Variants in RAB27B observed in about 807,000 individuals in gnomAD.
The protein encoded by RAB27B is RAB27B, member RAS oncogene family.
Under a neutral mutation model 24.6 loss-of-function variants are expected in RAB27B, and 15 were observed. The observed-to-expected ratio is 0.61, with a 90% CI of 0.41 to 0.94. The LOEUF (loss-of-function observed/expected upper bound fraction) is 0.94, where lower values mean the gene tolerates loss of function less well. Among genes scored for constraint, RAB27B ranks in the 40% least tolerant of loss-of-function variants. RAB27B has a pLI of 0.00. For synonymous variants in RAB27B, 105 were observed against 92.5 expected (o/e 1.14, Z -0.78); for missense variants, 261 against 266.8 (o/e 0.98, Z 0.15).
intron 1 of RAB27B, among the ~76,000 whole-genome samples, chr18:54,836,552 CAG>C (rs1371718077): frequency 6.6e-6 from 1 of 151,838 alleles, no homozygotes; most frequent in African/African-American, 2.4e-5. Context: ...AACTTGAGAA[CAG>C]AGAACTAACT....
At chr18:54,724,208 G>A (rs956186335) in intron 2 of RAB27B, among the ~76,000 whole-genome samples, 6 of 151,508 alleles carry the variant, frequency 4.0e-5, no homozygotes, top group South Asian at 2.1e-4. Flanking sequence ...AATTTTAGAA[G>A]CATCCAAAAA....
At chr18:54,755,193 C>A (rs1907963374) in intron 2 of RAB27B, among the ~76,000 whole-genome samples, 1 of 152,084 alleles carries the variant, frequency 6.6e-6, no homozygotes, top group Admixed American at 6.6e-5. Flanking sequence ...AGTTCAAGAC[C>A]AGCCTGGCCA....
intron 2 of RAB27B, among the ~76,000 whole-genome samples, chr18:54,803,875 T>C (rs533366717): frequency 6.6e-6 from 1 of 152,274 alleles, no homozygotes; most frequent in African/African-American, 2.4e-5. Context: ...GTTCTGGAAG[T>C]TTGGAATTTC....
At chr18:54,877,007 T>C (rs933363897) in intron 1 of RAB27B, among the ~76,000 whole-genome samples, 2 of 137,996 alleles carry the variant, frequency 1.4e-5, no homozygotes, top group Admixed American at 1.5e-4. Context: ...TGAATTGTGG[T>C]TCCCATAATC....
At chr18:54,807,455 A>C (rs1909826821) in intron 2 of RAB27B, among the ~76,000 whole-genome samples, 1 of 152,186 alleles carries the variant, frequency 6.6e-6, no homozygotes, top group African/African-American at 2.4e-5. Context: ...TTTTAAGGAC[A>C]TAATCTCCTC....
intron 2 of RAB27B, among the ~76,000 whole-genome samples, chr18:54,792,479 C>T (rs138628830): frequency 1.3e-5 from 2 of 152,264 alleles, no homozygotes; most frequent in East Asian, 1.9e-4. Context: ...AATCTAAACC[C>T]CTTTATTCAT....
chr18:54,794,806 G>A (rs367702922), intron 2 of RAB27B, among the ~76,000 whole-genome samples: 2 of 152,182 alleles, frequency 1.3e-5, no homozygotes, highest in African/African-American at 2.4e-5. Flanking sequence ...ATGTGTTTGT[G>A]TCCCTGCTTC....
At chr18:54,829,059 T>C (rs76275691) in intron 1 of RAB27B, among the ~76,000 whole-genome samples, 8,180 of 152,304 alleles carry the variant, frequency 0.054, 262 homozygotes, top group South Asian at 0.12. Flanking sequence ...AGAAAAAGCA[T>C]GGATGATGAT....
chr18:54,850,357 T>TATAC (rs1555663545), intron 1 of RAB27B, among the ~76,000 whole-genome samples: 24 of 130,540 alleles, frequency 1.8e-4, no homozygotes, highest in African/African-American at 2.5e-4. Context: ...TATATATATA[T>TATAC]ATACATACAT....
At chr18:54,745,273 G>T in intron 2 of RAB27B, 2 of 182,626 alleles carry the variant, frequency 1.1e-5, no homozygotes, top group East Asian at 1.5e-4. Context: ...TGCCAGCCTG[G>T]GAAGTTCTGC....
intron 2 of RAB27B, among the ~76,000 whole-genome samples, chr18:54,790,747 A>G (rs1290188605): frequency 6.6e-6 from 1 of 152,214 alleles, no homozygotes; most frequent in Non-Finnish European, 1.5e-5. Flanking sequence ...TAGAAATCCA[A>G]TTAAGTGCTA....
intron 2 of RAB27B, among the ~76,000 whole-genome samples, chr18:54,790,718 T>C (rs1333248055): frequency 6.6e-6 from 1 of 152,230 alleles, no homozygotes; most frequent in East Asian, 1.9e-4. Context: ...TATATTTTTA[T>C]AGAAAGCATA....
intron 1 of RAB27B, among the ~76,000 whole-genome samples, chr18:54,851,882 G>T (rs574925525): frequency 1.3e-5 from 2 of 152,114 alleles, no homozygotes; most frequent in South Asian, 2.1e-4. Flanking sequence ...TGAGTTCAAT[G>T]ACAAATCTAT....
At chr18:54,718,754 A>C (rs982538803) in intron 2 of RAB27B, among the ~76,000 whole-genome samples, 7 of 152,212 alleles carry the variant, frequency 4.6e-5, no homozygotes, top group African/African-American at 1.4e-4. Context: ...GCATGATAAG[A>C]GAGTAGTTTG....
intron 2 of RAB27B, among the ~76,000 whole-genome samples, chr18:54,821,212 A>C (rs1319352929): frequency 6.6e-6 from 1 of 152,212 alleles, no homozygotes; most frequent in Non-Finnish European, 1.5e-5. Flanking sequence ...ATCAATGTGC[A>C]AAAATAACAA....
At chr18:54,760,633 G>A (rs1908156191) in intron 2 of RAB27B, among the ~76,000 whole-genome samples, 1 of 152,176 alleles carries the variant, frequency 6.6e-6, no homozygotes, top group African/African-American at 2.4e-5. Context: ...ACATCTTAGT[G>A]AAAGGAGAAA....
At chr18:54,877,798 A>G (rs1912767615) in intron 2 of RAB27B, 60 bp downstream of exon 2, 4 of 1,480,532 alleles carry the variant, frequency 2.7e-6, no homozygotes, top group Non-Finnish European at 3.6e-6. Context: ...AATAAGAATC[A>G]AGAAGCTATG....
chr18:54,762,829 A>T (rs1476779864), intron 2 of RAB27B, among the ~76,000 whole-genome samples: 3 of 152,112 alleles, frequency 2.0e-5, no homozygotes, highest in Non-Finnish European at 4.4e-5. Context: ...TTCGCATATT[A>T]CAGCTCCTTC....
intron 1 of RAB27B, among the ~76,000 whole-genome samples, chr18:54,861,303 T>G (rs1911999584): frequency 2.0e-5 from 3 of 152,346 alleles, no homozygotes; most frequent in Admixed American, 6.5e-5. Flanking sequence ...CCAAATCTTT[T>G]TCTTTATGGA....
Sources: allele counts gnomAD v4.1 joint callset (sites outside exome capture counted in the v4.1 genomes callset), GRCh38; gene constraint gnomAD v4.1.1; transcripts MANE v1.5; gene names NCBI Gene and HGNC (gene_info 2026-07-23, HGNC 2026-07-21).